The following HCN2 variants were observed in gnomAD, a reference collection of about 807,000 sequenced individuals.
HCN2 encodes hyperpolarization activated cyclic nucleotide gated potassium and sodium channel 2.
Under a neutral mutation model 52.3 loss-of-function variants are expected in HCN2, and 20 were observed. That is an observed-to-expected ratio of 0.38 (90% CI 0.27 to 0.56). The LOEUF is 0.56. Among genes scored for constraint, HCN2 ranks in the 20% least tolerant of loss-of-function variants. HCN2 has a pLI of 0.71. For synonymous variants in HCN2, 694 were observed against 537.0 expected (o/e 1.29, Z -4.04); for missense variants, 981 against 1,207.7 (o/e 0.81, Z 2.78).
In HCN2 at chr19:616,582, AGAC is replaced by A; in HGVS notation, c.*111_*113del. 3.1e-6 allele frequency: 2 copies of A among 653,996 alleles called. No individual in the cohort carries two copies. The highest frequency in any genetic ancestry group is 1.3e-4 in the South Asian group (2 of 15,448). 40.5% of individuals were successfully genotyped at this position (653,996 alleles called of 1,614,324 possible). ...GGCCGCCAGTCCGCCCAGAAGCCAT[AGAC>A]GAGACGTAGGTAGCCGTAGTTGGAC... On this transcript the variant is annotated 3_prime_UTR_variant, in exon 8 of 8. Coordinates refer to ENST00000251287, the MANE Select transcript of HCN2 (RefSeq NM_001194.4).
chr19:602,601 C>T (rs1197701033), intron 1 of HCN2, among the ~76,000 whole-genome samples: 1 of 152,224 alleles, frequency 6.6e-6, no homozygotes, highest in African/African-American at 2.4e-5. Flanking sequence ...TTCGCTCTCC[C>T]TGTGCGCGCC....
chr19:605,051 C>A lies in HCN2; in HGVS notation c.1057-10C>A. 1 of 1,606,676 alleles carries A rather than the reference C, an allele frequency of 6.2e-7. No individual in the cohort carries two copies. The highest frequency in any genetic ancestry group is 1.1e-5 in the South Asian group (1 of 90,970). On this transcript the variant is annotated splice_polypyrimidine_tract_variant and intron_variant, in intron 2 of 7. Coordinates refer to ENST00000251287, the MANE Select transcript of HCN2 (RefSeq NM_001194.4). The stretch of plus-strand genomic sequence containing the variant: ...AGCGGGTAGGGTGGGCTCACGGCGC[C>A]TTCCTGCAGATCTTCCACATGACCT...
At chr19:604,755 G>GC (rs1416125674) in intron 2 of HCN2, among the ~76,000 whole-genome samples, 2 of 138,990 alleles carry the variant, frequency 1.4e-5, no homozygotes, top group Admixed American at 7.3e-5. Flanking sequence ...GTTGTGCTGG[G>GC]GCGGTGTCAG....
Position 598,747 on chromosome 19 carries a change from G to A in HCN2, c.633-4797G>A, listed in dbSNP as rs941934969. ...CTCCCGAGTAGCTGGGCCTACAGGC[G>A]CCCGCCACCTCACACAAAAAAATAA... On this transcript the variant is annotated intron_variant, in intron 1 of 7. Transcript: ENST00000251287. Among the ~76,000 whole-genome samples, 6 of 152,292 alleles carry A rather than the reference G, an allele frequency of 3.9e-5. No individual in the cohort carries two copies. The East Asian group carries it at 5.8e-4, about 15-fold the overall frequency.
At chr19:610,547 C>T (rs1165117637) in intron 5 of HCN2, 142 bp downstream of exon 5, 11 of 679,594 alleles carry the variant, frequency 1.6e-5, no homozygotes, top group Non-Finnish European at 2.5e-5. Flanking sequence ...TGCGTACACA[C>T]CCTCCCCTCC....
intron 1 of HCN2, among the ~76,000 whole-genome samples, chr19:593,553 G>A (rs1263438675): frequency 6.6e-6 from 1 of 152,206 alleles, no homozygotes; most frequent in Non-Finnish European, 1.5e-5. Flanking sequence ...CCAGGAGGCA[G>A]AGGTTGCAGT....
intron 1 of HCN2, among the ~76,000 whole-genome samples, chr19:600,036 T>C (rs1983155448): frequency 6.6e-6 from 1 of 152,222 alleles, no homozygotes. Context: ...GGCAAAATCC[T>C]ATGAATCTTT....
intron 2 of HCN2, among the ~76,000 whole-genome samples, chr19:604,781 AGCTG>A (rs1983356701): frequency 4.2e-5 from 3 of 71,950 alleles, no homozygotes; most frequent in East Asian, 4.2e-4. Context: ...AGGGGTGGGG[AGCTG>A]TGGATTTGGG....
At position 590,749 on chromosome 19, in the gene HCN2, G is replaced by T; in HGVS notation, c.632+172G>T. Reference sequence around the variant, plus strand: ...ACCCGCCCCGGAGTGACCCCGGCGCGCGAGGCTCCGCCTCTGGGGGGGCTC... The same window carrying T: ...ACCCGCCCCGGAGTGACCCCGGCGCTCGAGGCTCCGCCTCTGGGGGGGCTC... On this transcript the variant is annotated intron_variant, in intron 1 of 7. Coordinates refer to ENST00000251287, the MANE Select transcript of HCN2 (RefSeq NM_001194.4). The surrounding 1 kb of genome is among the most constrained non-coding windows in gnomAD (Gnocchi z 7.2). The T allele has an allele frequency of 2.7e-6, 1 of 376,216 alleles. No individual in the cohort carries two copies. The highest frequency in any genetic ancestry group is 4.4e-6 in the Non-Finnish European group (1 of 225,838). 23.3% of individuals were successfully genotyped at this position (376,216 alleles called of 1,614,324 possible).
chr19:608,494 G>C (rs1016600748), intron 4 of HCN2, among the ~76,000 whole-genome samples: 12 of 152,030 alleles, frequency 7.9e-5, no homozygotes, highest in Non-Finnish European at 1.5e-4. Context: ...CTGGGGGTCT[G>C]TGGCTGTGAT....
rs145131381 is a variant in HCN2, at chr19:592,230, G to A, written c.632+1653G>A. The stretch of plus-strand genomic sequence containing the variant: ...CTGTAGAACGTGCCCACTCCCCTCC[G>A]TCCCCTCCAGCATGACCTTCGACAG... On this transcript the variant is annotated intron_variant, in intron 1 of 7. Transcript: ENST00000251287. The surrounding 1 kb of genome is among the most constrained non-coding windows in gnomAD (Gnocchi z 4.8). Among the ~76,000 whole-genome samples the A allele has an allele frequency of 1.1e-4, 16 of 152,288 alleles. No individual in the cohort carries two copies. The highest frequency in any genetic ancestry group is 2.1e-4 in the Non-Finnish European group (14 of 68,018).
intron 5 of HCN2, among the ~76,000 whole-genome samples, chr19:611,569 G>C (rs117573921): frequency 3.9e-5 from 6 of 152,182 alleles, no homozygotes; most frequent in Non-Finnish European, 8.8e-5. Context: ...CACACACTGC[G>C]GTTCGCTTCG....
intron 5 of HCN2, among the ~76,000 whole-genome samples, chr19:610,609 T>TCC (rs1468031778): frequency 1.3e-5 from 2 of 152,096 alleles, no homozygotes; most frequent in Non-Finnish European, 2.9e-5. Flanking sequence ...CCGCCTTGCT[T>TCC]CCCGCTGCCC....
Position 616,392 on chromosome 19 carries a change from G to C in HCN2, c.2588G>C (p.Arg863Pro), listed in dbSNP as rs775586517. 1 of 1,238,758 alleles carries C rather than the reference G, an allele frequency of 8.1e-7. No individual in the cohort carries two copies. Among genetic ancestry groups the C allele is most frequent in the Non-Finnish European group, 1.0e-6 (1 of 984,700 alleles). The allele number at this position is 1,238,758 out of a possible 1,614,324, so 76.7% of individuals were successfully genotyped here. A position where few individuals can be genotyped will look rare whatever the true frequency, so the allele number is the denominator to read the frequency against. Residue 863 changes from arginine (R) to proline (P), a missense_variant, in exon 8 of 8, where the codon CGC (arginine) becomes CCC (proline). By Grantham distance (103) the Arg-to-Pro change is moderately radical. Transcript: ENST00000251287. ...CGGGCCGCCGCGCCCAGCCCGGACCGCAGGGACTCGGCCTCACCCGGCGCC... is the reference window on the plus strand; with the variant it reads ...CGGGCCGCCGCGCCCAGCCCGGACCCCAGGGACTCGGCCTCACCCGGCGCC... ...AARAAAPSPD[R>P]RDSASPGAAG...
intron 2 of HCN2, among the ~76,000 whole-genome samples, chr19:604,733 G>GAGGGTTGTGCTGGGC (rs1983351718): frequency 7.2e-6 from 1 of 139,250 alleles, no homozygotes; most frequent in Non-Finnish European, 1.6e-5. Context: ...CATCAGGGGT[G>GAGGGTTGTGCTGGGC]GGGATATGAG....
At chr19:615,582 C>T (rs575315200) in intron 7 of HCN2, among the ~76,000 whole-genome samples, 3 of 152,346 alleles carry the variant, frequency 2.0e-5, no homozygotes, top group East Asian at 3.9e-4. Context: ...CTGTGCATAG[C>T]AGGTGCTCAG....
At position 590,258 on chromosome 19, in the gene HCN2, G is replaced by A. The variant is rs1386878238; in HGVS notation, c.313G>A (p.Gly105Ser). 5.1e-6 allele frequency: 5 copies of A among 989,716 alleles called. No individual in the cohort carries two copies. In the South Asian group the frequency reaches 1.7e-4, roughly 35 times the overall value. The allele number at this position is 989,716 out of a possible 1,614,324, so 61.3% of individuals were successfully genotyped here. Residue 105 changes from glycine (G) to serine (S), a missense_variant, in exon 1 of 8, where the codon GGC becomes AGC. Physicochemically the swap from Gly to Ser is moderately conservative, Grantham distance 56. Around this residue, in one of 6 missense-constraint regions of HCN2, gnomAD observed 215 missense variants for 179.4 expected, o/e 1.20. Coordinates refer to ENST00000251287, the MANE Select transcript of HCN2 (RefSeq NM_001194.4). This position sits in a 1 kb window ranked among gnomAD's most constrained non-coding sequence, Gnocchi z 7.2. Reference protein sequence around the residue: ...KGSPNGECGRGEPQCSPAGPE... With the variant: ...KGSPNGECGRSEPQCSPAGPE... ...CAGCCCGAACGGCGAGTGCGGGCGC[G>A]GCGAGCCGCAGTGCAGCCCCGCGGG... is the stretch of plus-strand genomic sequence containing the variant.
intron 7 of HCN2, among the ~76,000 whole-genome samples, chr19:615,544 C>G (rs1293802458): frequency 2.0e-5 from 3 of 152,142 alleles, no homozygotes; most frequent in Non-Finnish European, 2.9e-5. Context: ...GCCCTGCTTT[C>G]TGTATGCAGG....
intron 5 of HCN2, among the ~76,000 whole-genome samples, chr19:610,988 AGATT>A (rs201814832): frequency 0.013 from 2,047 of 152,208 alleles, 57 homozygotes; most frequent in African/African-American, 0.047. Flanking sequence ...CTTGGCTTGC[AGATT>A]GATCTCCCTG....
Sources: gnomAD v4.1 joint callset for allele counts (sites outside exome capture counted in the v4.1 genomes callset) on GRCh38, gnomAD v4.1.1 for gene constraint, gnomAD v4.1.1 regional missense constraint, Gnocchi (gnomAD v3.1) non-coding constraint, MANE v1.5 for transcripts, NCBI Gene and HGNC (gene_info 2026-07-23, HGNC 2026-07-21) for gene names.